Variants in HTR4 observed in about 807,000 individuals in gnomAD.
The protein encoded by HTR4 is 5-hydroxytryptamine receptor 4.
Under a neutral mutation model 36.8 loss-of-function variants are expected in HTR4, and 16 were observed. The ratio of observed to expected loss-of-function variants is 0.43; its 90% CI spans 0.29 to 0.66. The LOEUF (loss-of-function observed/expected upper bound fraction) is 0.66. HTR4 is among the 30% of genes least tolerant of loss of function. HTR4 has a pLI of 0.13. For synonymous variants in HTR4, 189 were observed against 185.1 expected (o/e 1.02, Z -0.17); for missense variants, 438 against 490.9 (o/e 0.89, Z 1.02).
At chr5:148,493,296 A>G (rs1432349362) in intron 6 of HTR4, among the ~76,000 whole-genome samples, 1 of 152,152 alleles carries the variant, frequency 6.6e-6, no homozygotes, top group Non-Finnish European at 1.5e-5. Context: ...TGAAATTCTT[A>G]ATAACTTTAT....
At chr5:148,555,667 C>T (rs141484232) in intron 2 of HTR4, among the ~76,000 whole-genome samples, 220 of 152,266 alleles carry the variant, frequency 1.4e-3, no homozygotes, top group Non-Finnish European at 2.4e-3. Context: ...TAAATTGGTT[C>T]GTTGACAGCT....
intron 4 of HTR4, among the ~76,000 whole-genome samples, chr5:148,545,630 G>A (rs1043030901): frequency 6.6e-6 from 1 of 152,198 alleles, no homozygotes; most frequent in African/African-American, 2.4e-5. Context: ...GGAGAGGAGG[G>A]GCAGAGGAAG....
chr5:148,607,844 T>A (rs1382317455), intron 2 of HTR4, among the ~76,000 whole-genome samples: 1 of 151,760 alleles, frequency 6.6e-6, no homozygotes, highest in Non-Finnish European at 1.5e-5. Flanking sequence ...CTGGCTAGAG[T>A]TTTTAGGGAA....
chr5:148,457,826 AAT>A (rs1469936166), intron 5 of HTR4, among the ~76,000 whole-genome samples: 1 of 79,938 alleles, frequency 1.3e-5, no homozygotes, highest in Non-Finnish European at 2.4e-5. Flanking sequence ...ATATCATTAA[AAT>A]ATATATTTTG....
At chr5:148,558,305 T>C (rs1200718790) in intron 2 of HTR4, among the ~76,000 whole-genome samples, 1 of 152,122 alleles carries the variant, frequency 6.6e-6, no homozygotes, top group Non-Finnish European at 1.5e-5. Flanking sequence ...TCTATACTGA[T>C]AAGAGAATGA....
chr5:148,616,001 A>G (rs1752668824), intron 2 of HTR4, among the ~76,000 whole-genome samples: 2 of 152,198 alleles, frequency 1.3e-5, no homozygotes, highest in African/African-American at 4.8e-5. Context: ...TTTTCAATAT[A>G]AAATAAAGGA....
intron 2 of HTR4, among the ~76,000 whole-genome samples, chr5:148,631,256 T>C (rs1436540172): frequency 6.6e-6 from 1 of 152,156 alleles, no homozygotes; most frequent in African/African-American, 2.4e-5. Context: ...AGTCAAGCAG[T>C]GAAGTTGAGT....
chr5:148,608,293 C>A (rs950219264), intron 2 of HTR4, among the ~76,000 whole-genome samples: 1 of 151,990 alleles, frequency 6.6e-6, no homozygotes, highest in Non-Finnish European at 1.5e-5. Context: ...AACAAACAGG[C>A]AATTATCATA....
chr5:148,559,812 A>T (rs1426910769), intron 2 of HTR4, among the ~76,000 whole-genome samples: 5 of 151,954 alleles, frequency 3.3e-5, no homozygotes, highest in Non-Finnish European at 7.4e-5. Context: ...TTGTTAGTGC[A>T]CCTCCTGCTT....
At chr5:148,578,167 G>A (rs1581501011) in intron 2 of HTR4, among the ~76,000 whole-genome samples, 1 of 151,936 alleles carries the variant, frequency 6.6e-6, no homozygotes, top group East Asian at 1.9e-4. Flanking sequence ...TTACCTCTGT[G>A]AGGCGAAGTG....
chr5:148,583,745 T>C (rs1478054814), intron 2 of HTR4, among the ~76,000 whole-genome samples: 1 of 152,022 alleles, frequency 6.6e-6, no homozygotes, highest in African/African-American at 2.4e-5. Context: ...GTAAAAACTG[T>C]GGAGATGATG....
chr5:148,640,703 T>A (rs1464033283), intron 1 of HTR4, among the ~76,000 whole-genome samples: 1 of 152,184 alleles, frequency 6.6e-6, no homozygotes, highest in Non-Finnish European at 1.5e-5. Flanking sequence ...TGTGTTCCAG[T>A]CAGCAAGCAA....
At chr5:148,618,977 G>A (rs1752811256) in intron 2 of HTR4, among the ~76,000 whole-genome samples, 1 of 152,178 alleles carries the variant, frequency 6.6e-6, no homozygotes. Context: ...TATATTCTGT[G>A]AAGGTTATAT....
At chr5:148,501,812 C>A (rs543683484) in intron 6 of HTR4, among the ~76,000 whole-genome samples, 39 of 152,246 alleles carry the variant, frequency 2.6e-4, no homozygotes, top group African/African-American at 9.1e-4. Flanking sequence ...GTAATCCCAG[C>A]ACTTTGGGAG....
At chr5:148,495,884 C>T (rs954442280) in intron 6 of HTR4, among the ~76,000 whole-genome samples, 5 of 152,180 alleles carry the variant, frequency 3.3e-5, no homozygotes, top group African/African-American at 7.2e-5. Flanking sequence ...GGGTGAATCA[C>T]GAGGTCAGGA....
At chr5:148,534,135 C>T (rs1456194151) in intron 4 of HTR4, among the ~76,000 whole-genome samples, 1 of 152,114 alleles carries the variant, frequency 6.6e-6, no homozygotes, top group African/African-American at 2.4e-5. Flanking sequence ...ATGTTACATG[C>T]CAATAGATAA....
intron 1 of HTR4, among the ~76,000 whole-genome samples, chr5:148,653,082 G>T (rs1388625787): frequency 6.6e-6 from 1 of 152,028 alleles, no homozygotes; most frequent in Non-Finnish European, 1.5e-5. Flanking sequence ...TTCCATTCCA[G>T]GGACAGGGTA....
In HTR4 at chr5:148,636,912, C is replaced by T. The variant is rs1373258468; in HGVS notation, c.26+77G>A. The T allele has an allele frequency of 5.3e-6, 5 of 939,960 alleles. No homozygotes were observed. The East Asian group carries it at 7.3e-5, about 14-fold the overall frequency. 58.2% of individuals were successfully genotyped at this position (939,960 alleles called of 1,614,324 possible). ...CACATCCATTAACTTTATAACTCTA[C>T]AACAACAGATTTTTAGAGTCTTCAT... On this transcript the variant is annotated intron_variant, in intron 2 of 6. Coordinates refer to ENST00000377888, the MANE Select transcript of HTR4 (RefSeq NM_000870.7).
At chr5:148,483,983 G>A (rs1474434529) in intron 6 of HTR4, among the ~76,000 whole-genome samples, 2 of 148,276 alleles carry the variant, frequency 1.3e-5, no homozygotes, top group African/African-American at 5.0e-5. Context: ...ATTTATTTGA[G>A]CCAAAATATA....
Sources: allele counts gnomAD v4.1 joint callset (sites outside exome capture counted in the v4.1 genomes callset), GRCh38; gene constraint gnomAD v4.1.1; transcripts MANE v1.5; gene names NCBI Gene and HGNC (gene_info 2026-07-23, HGNC 2026-07-21).